Variants in KLHL18 observed in about 807,000 individuals in gnomAD.
KLHL18 encodes kelch-like protein 18.
Under a neutral mutation model 58.5 loss-of-function variants are expected in KLHL18, and 38 were observed. The observed-to-expected ratio is 0.65, with a 90% CI of 0.50 to 0.85. KLHL18 has a LOEUF of 0.85. Among genes scored for constraint, KLHL18 ranks in the 40% least tolerant of loss-of-function variants. KLHL18 has a pLI of 0.00. For synonymous variants in KLHL18, 303 were observed against 301.9 expected (o/e 1.00, Z -0.04); for missense variants, 624 against 778.4 (o/e 0.80, Z 2.36).
At chr3:47,290,765 C>A (rs763099711) in intron 1 of KLHL18, among the ~76,000 whole-genome samples, 1 of 152,208 alleles carries the variant, frequency 6.6e-6, no homozygotes, top group African/African-American at 2.4e-5. Context: ...CCTGGCCCAG[C>A]CTTGTCTCTT....
chr3:47,318,275 T>C (rs1576163827), intron 1 of KLHL18, among the ~76,000 whole-genome samples: 1 of 152,248 alleles, frequency 6.6e-6, no homozygotes, highest in East Asian at 1.9e-4. Context: ...TCTGAAGGCT[T>C]GGCTGGAGCT....
chr3:47,336,392 T>G, intron 6 of KLHL18, 143 bp from the exon 7 acceptor site: 1 of 699,202 alleles, frequency 1.4e-6, no homozygotes, highest in Non-Finnish European at 2.4e-6. Context: ...CTGAAATTTC[T>G]TAGTGGGCCC....
chr3:47,317,185 T>C (rs1576162819), intron 1 of KLHL18, among the ~76,000 whole-genome samples: 1 of 152,170 alleles, frequency 6.6e-6, no homozygotes, highest in East Asian at 1.9e-4. Flanking sequence ...CGGTGTCTGC[T>C]CACCGCAACC....
intron 7 of KLHL18, among the ~76,000 whole-genome samples, chr3:47,339,868 A>G (rs1704069905): frequency 3.3e-5 from 5 of 151,846 alleles, no homozygotes; most frequent in Admixed American, 2.6e-4. Context: ...CCTGGGCAAC[A>G]TAGCAAGACC....
At chr3:47,343,141 A>C (rs1203519689) in intron 9 of KLHL18, among the ~76,000 whole-genome samples, 1 of 152,194 alleles carries the variant, frequency 6.6e-6, no homozygotes. Context: ...GTAAATTTGC[A>C]AACAGTTGTA....
intron 6 of KLHL18, among the ~76,000 whole-genome samples, chr3:47,335,251 C>T (rs1430800245): frequency 6.6e-6 from 1 of 152,210 alleles, no homozygotes; most frequent in Non-Finnish European, 1.5e-5. Context: ...AGGCTATTCA[C>T]ATTTTGTCAT....
chr3:47,321,201 T>A (rs1366924234), intron 2 of KLHL18, among the ~76,000 whole-genome samples: 2 of 151,988 alleles, frequency 1.3e-5, no homozygotes, highest in African/African-American at 2.4e-5. Flanking sequence ...GGAGTCTCAC[T>A]CTTGGCACCC....
At chr3:47,330,938 G>A (rs1232733553) in intron 4 of KLHL18, among the ~76,000 whole-genome samples, 1 of 151,664 alleles carries the variant, frequency 6.6e-6, no homozygotes, top group Admixed American at 6.6e-5. Context: ...CACCATGTTG[G>A]CGAGGCTGGT....
chr3:47,325,476 C>T (rs1226551329), intron 3 of KLHL18, among the ~76,000 whole-genome samples: 1 of 152,156 alleles, frequency 6.6e-6, no homozygotes, highest in Admixed American at 6.5e-5. Context: ...GGATTACAGG[C>T]GTGAGCCACC....
intron 1 of KLHL18, among the ~76,000 whole-genome samples, chr3:47,305,171 T>C (rs534329455): frequency 6.6e-6 from 1 of 152,136 alleles, no homozygotes; most frequent in South Asian, 2.1e-4. Context: ...TAAATAGCAG[T>C]GGTAAGAGTC....
At position 47,343,749 on chromosome 3, in the gene KLHL18, C is replaced by G; in HGVS notation, c.1533C>G (p.His511Gln). 2 of 1,614,232 alleles carry G rather than the reference C, an allele frequency of 1.2e-6. No individual in the cohort carries two copies. The highest frequency in any genetic ancestry group is 1.7e-6 in the Non-Finnish European group (2 of 1,180,044). Residue 511 changes from histidine to glutamine, a missense_variant, in exon 10 of 10, where the codon CAC becomes CAG. By Grantham distance (24) the His-to-Gln change is conservative. Transcript: ENST00000232766. ...AGTGGTGCCTGATTGTCCCCATGCACACGCGCAGGAGCCGGGTCTCCCTGG... is the reference window on the plus strand; with the variant it reads ...AGTGGTGCCTGATTGTCCCCATGCAGACGCGCAGGAGCCGGGTCTCCCTGG... Reference protein sequence around the residue: ...ADQWCLIVPMHTRRSRVSLVA... With the variant: ...ADQWCLIVPMQTRRSRVSLVA...
At chr3:47,308,692 A>G (rs1176065342) in intron 1 of KLHL18, among the ~76,000 whole-genome samples, 1 of 151,950 alleles carries the variant, frequency 6.6e-6, no homozygotes, top group East Asian at 1.9e-4. Flanking sequence ...TGCCCGGCCA[A>G]TATGTCATTT....
intron 4 of KLHL18, among the ~76,000 whole-genome samples, chr3:47,332,456 A>G (rs1703886258): frequency 6.6e-6 from 1 of 152,168 alleles, no homozygotes; most frequent in Non-Finnish European, 1.5e-5. Flanking sequence ...GGGATGCTAG[A>G]GAGGTGAAGC....
Position 47,322,498 on chromosome 3 carries a change from A to G in KLHL18, c.261-70A>G, listed in dbSNP as rs947697478. 18 of 1,438,558 alleles carry G rather than the reference A, an allele frequency of 1.3e-5. No homozygotes were observed. The South Asian group carries it at 2.1e-4, about 17-fold the overall frequency. The allele number at this position is 1,438,558 out of a possible 1,614,324, so 89.1% of individuals were successfully genotyped here. ...TGGGCTAAGTAATGTCAGTTCAGTT[A>G]GGGCCTGAGTCTCCCGTGGGCCAAG... On this transcript the variant is annotated intron_variant, in intron 2 of 9. Transcript: ENST00000232766.
intron 1 of KLHL18, among the ~76,000 whole-genome samples, chr3:47,288,356 G>A (rs1456231567): frequency 6.6e-6 from 1 of 152,140 alleles, no homozygotes; most frequent in Non-Finnish European, 1.5e-5. Flanking sequence ...AGCAGCACTG[G>A]GACTAGACTC....
chr3:47,311,338 G>C (rs1460785951), intron 1 of KLHL18, among the ~76,000 whole-genome samples: 1 of 152,024 alleles, frequency 6.6e-6, no homozygotes, highest in Non-Finnish European at 1.5e-5. Context: ...AGCTGTTCTT[G>C]AATCATGGAA....
intron 7 of KLHL18, among the ~76,000 whole-genome samples, chr3:47,339,549 C>A (rs1704061044): frequency 6.6e-6 from 1 of 151,210 alleles, no homozygotes; most frequent in African/African-American, 2.4e-5. Flanking sequence ...GTAGTAAATG[C>A]ACAGCAAACA....
At chr3:47,317,032 A>G (rs527764221) in intron 1 of KLHL18, among the ~76,000 whole-genome samples, 1 of 151,970 alleles carries the variant, frequency 6.6e-6, no homozygotes, top group Non-Finnish European at 1.5e-5. Flanking sequence ...TAACCAACTA[A>G]ATTATTATCT....
intron 4 of KLHL18, among the ~76,000 whole-genome samples, chr3:47,331,633 A>C (rs1389919889): frequency 1.3e-5 from 2 of 148,564 alleles, no homozygotes; most frequent in African/African-American, 5.0e-5. Context: ...GGGTTTCACT[A>C]TGTTGGCCAG....
Sources: gnomAD v4.1 joint callset for allele counts (sites outside exome capture counted in the v4.1 genomes callset) on GRCh38, gnomAD v4.1.1 for gene constraint, MANE v1.5 for transcripts, NCBI Gene and HGNC (gene_info 2026-07-23, HGNC 2026-07-21) for gene names.